Variants in POLD1 observed in about 807,000 individuals in gnomAD.
The protein encoded by POLD1 is DNA polymerase delta catalytic subunit.
POLD1 carries 79 observed loss-of-function variants against 129.7 expected under a neutral mutation model. The ratio of observed to expected loss-of-function variants is 0.61; its 90% confidence interval spans 0.51 to 0.73. The LOEUF (loss-of-function observed/expected upper bound fraction) is 0.73. POLD1 is among the 30% of genes least tolerant of loss of function. POLD1 has a pLI of 0.00. For synonymous variants in POLD1, 714 were observed against 683.3 expected (o/e 1.04, Z -0.70); for missense variants, 1,338 against 1,595.8 (o/e 0.84, Z 2.75).
Position 50,413,853 on chromosome 19 carries a change from T to C in POLD1, c.2362T>C (p.Ser788Pro), listed in dbSNP as rs2122450995. The change falls in exon 19 of 27, where the codon TCG becomes CCG. Residue 788 changes from serine to proline, a missense_variant. Ser to Pro is a moderately conservative substitution (Grantham distance 74). Transcript: ENST00000440232. ...GGACTGGGTGTCAGGTCACTTCCCG[T>C]CGCCCATCCGGCTGGAGTTTGAGAA... ...AADWVSGHFP[S>P]PIRLEFEKVY... The C allele has an allele frequency of 6.2e-7, 1 of 1,608,020 alleles. No homozygotes were observed. The highest frequency in any genetic ancestry group is 8.5e-7 in the Non-Finnish European group (1 of 1,176,996).
intron 1 of POLD1, chr19:50,395,144 G>A (rs1410638965): frequency 3.3e-5 from 5 of 150,476 alleles, no homozygotes; most frequent in African/African-American, 1.2e-4. Context: ...TGCCCAGCTG[G>A]GTACAGGTAC....
chr19:50,417,520 C>T (rs2039355158), intron 26 of POLD1, among the ~76,000 whole-genome samples: 1 of 152,184 alleles, frequency 6.6e-6, no homozygotes, highest in African/African-American at 2.4e-5. Flanking sequence ...GGCTGTCCTC[C>T]CGACACACCC....
chr19:50,396,052 G>A (rs972170978), intron 1 of POLD1, among the ~76,000 whole-genome samples: 17 of 142,836 alleles, frequency 1.2e-4, no homozygotes, highest in Admixed American at 9.7e-4. Flanking sequence ...TTGTTTGTTT[G>A]TTTGGGTTTT....
intron 1 of POLD1, among the ~76,000 whole-genome samples, chr19:50,398,629 G>C (rs538056218): frequency 6.7e-6 from 1 of 150,246 alleles, no homozygotes; most frequent in African/African-American, 2.4e-5. Context: ...TGATGGGAGA[G>C]AGGGTCGGGG....
chr19:50,400,149 T>C (rs2038532204), intron 3 of POLD1, among the ~76,000 whole-genome samples: 1 of 130,842 alleles, frequency 7.6e-6, no homozygotes, highest in African/African-American at 3.5e-5. Flanking sequence ...TTTTTTTTTT[T>C]TTTTTTTTTT....
rs759113421 is a variant in POLD1, at chr19:50,413,852, G to A, written c.2361G>A (p.Pro787=). The A allele has an allele frequency of 9.9e-6, 16 of 1,608,364 alleles. No individual in the cohort carries two copies. Among genetic ancestry groups the A allele is most frequent in the South Asian group, 4.4e-5 (4 of 90,454 alleles). The change falls in exon 19 of 27, where the codon CCG becomes CCA. Residue 787 remains proline (P), a synonymous_variant. Transcript: ENST00000440232. ...EAADWVSGHF[P]SPIRLEFEKV... ...CGGACTGGGTGTCAGGTCACTTCCC[G>A]TCGCCCATCCGGCTGGAGTTTGAGA...
At position 50,406,940 on chromosome 19, in the gene POLD1, CCCCCAA is replaced by C; in HGVS notation, c.1495-38_1495-33del. On this transcript the variant is annotated intron_variant, in intron 12 of 26. Coordinates refer to ENST00000440232, the MANE Select transcript of POLD1 (RefSeq NM_002691.4). This position sits in a 1 kb window ranked among gnomAD's most constrained non-coding sequence, Gnocchi z 5.5. The stretch of plus-strand genomic sequence containing the variant: ...CTTCCTTCTCCTGCTCCACCTCCCA[CCCCCAA>C]CCCCTGGTCCCTGACCCCATCCGTG... 1 of 1,431,818 alleles carries C rather than the reference CCCCCAA, an allele frequency of 7.0e-7. No individual in the cohort carries two copies. Among genetic ancestry groups the C allele is most frequent in the Non-Finnish European group, 9.5e-7 (1 of 1,049,726 alleles). The allele number at this position is 1,431,818 out of a possible 1,614,324, so 88.7% of individuals were successfully genotyped here. A position where few individuals can be genotyped will look rare whatever the true frequency, so the allele number is the denominator to read the frequency against.
intron 10 of POLD1, among the ~76,000 whole-genome samples, chr19:50,405,920 T>C (rs890181024): frequency 6.6e-6 from 1 of 152,090 alleles, no homozygotes; most frequent in African/African-American, 2.4e-5. Context: ...CCGCAGACAC[T>C]GGGCTCCATC....
chr19:50,403,350 G>A, intron 9 of POLD1, 131 bp downstream of exon 9: 1 of 1,136,658 alleles, frequency 8.8e-7, no homozygotes, highest in Non-Finnish European at 1.3e-6. Context: ...GTCTGGGTGG[G>A]CCCCTGTGCA....
rs2122438535 is a variant in POLD1, at chr19:50,413,473, G to A, written c.2202G>A (p.Leu734=). Residue 734 remains leucine, a synonymous_variant, in exon 18 of 27, where the codon CTG becomes CTA. Coordinates refer to ENST00000440232, the MANE Select transcript of POLD1 (RefSeq NM_002691.4). ...GRQMIEKTKQ[L]VESKYTVENG... ...AGATGATCGAGAAAACCAAGCAGCT[G>A]GTGGAGTCTAAGTACACAGTGGAGA... The A allele has an allele frequency of 1.2e-6, 2 of 1,613,204 alleles. No individual in the cohort carries two copies. Among genetic ancestry groups the A allele is most frequent in the South Asian group, 1.1e-5 (1 of 90,982 alleles).
rs1555793883 is a variant in POLD1 at position 50,417,888 on chromosome 19, C to G, written c.3265C>G (p.Leu1089Val). The change falls in exon 27 of 27, where the codon CTG becomes GTG. Residue 1089 changes from leucine to valine, a missense_variant. Around this residue, in one of 3 missense-constraint regions of POLD1, gnomAD observed 286 missense variants for 277.5 expected, o/e 1.03. Coordinates refer to ENST00000440232, the MANE Select transcript of POLD1 (RefSeq NM_002691.4). Reference sequence around the variant, plus strand: ...CATGCGCAAGAAGGTGCGGAAGGACCTGGAAGACCAGGAGCAGCTCCTGCG... The same window carrying G: ...CATGCGCAAGAAGGTGCGGAAGGACGTGGAAGACCAGGAGCAGCTCCTGCG... ...FYMRKKVRKD[L>V]EDQEQLLRRF... is the part of the protein sequence containing the mutation. 4 of 1,611,516 alleles carry G rather than the reference C, an allele frequency of 2.5e-6. No homozygotes were observed. In the South Asian group the frequency reaches 4.4e-5, roughly 18 times the overall value.
rs760014473 is a variant in POLD1, at chr19:50,409,511, C to T, written c.2007-8C>T. 3.1e-6 allele frequency: 5 copies of T among 1,613,412 alleles called. No homozygotes were observed. In the African/African-American group the frequency reaches 4.0e-5, roughly 13 times the overall value. On this transcript the variant is annotated splice_region_variant and splice_polypyrimidine_tract_variant and intron_variant, in intron 16 of 26. Coordinates refer to ENST00000440232, the MANE Select transcript of POLD1 (RefSeq NM_002691.4). The surrounding 1 kb of genome is among the most constrained non-coding windows in gnomAD (Gnocchi z 5.8). Reference sequence around the variant, plus strand: ...GCCTGAGTGTGCTTTCCCCGTGTTCCCTCGCAGGGCCAAGGCCGAGCTGGC... The same window carrying T: ...GCCTGAGTGTGCTTTCCCCGTGTTCTCTCGCAGGGCCAAGGCCGAGCTGGC...
At chr19:50,401,551 A>G (rs1177235056) in intron 3 of POLD1, among the ~76,000 whole-genome samples, 5 of 151,352 alleles carry the variant, frequency 3.3e-5, no homozygotes, top group African/African-American at 4.9e-5. Flanking sequence ...AGTTGTTTTT[A>G]TCTTGTAATA....
In POLD1 at chr19:50,414,880, C is replaced by G. The variant is rs369444765; in HGVS notation, c.2454C>G (p.Pro818=). Residue 818 remains proline, a synonymous_variant, in exon 20 of 27, where the codon CCC becomes CCG. Transcript: ENST00000440232. ...RYAGLLFSSR[P]DAHDRMDCKG... is the part of the protein sequence containing the mutation. ...CGGGCCTGCTCTTCTCCTCCCGGCC[C>G]GACGCCCACGACCGCATGGACTGCA... 35 of 1,607,824 alleles carry G rather than the reference C, an allele frequency of 2.2e-5. No homozygotes were observed. Among genetic ancestry groups the G allele is most frequent in the African/African-American group, 2.0e-4 (15 of 74,770 alleles).
chr19:50,413,914 G>A (rs2122453157), intron 19 of POLD1, 35 bp downstream of exon 19: 1 of 1,552,640 alleles, frequency 6.4e-7, no homozygotes, highest in Non-Finnish European at 8.7e-7. Context: ...GCATTTAGGT[G>A]CCCTCATCAG....
At position 50,415,595 on chromosome 19, in the gene POLD1, T is replaced by C. The variant is rs1555793089; in HGVS notation, c.2717+5T>C. Reference sequence around the variant, plus strand: ...CCACGTGGAGCTGGCCGAGAGGTCCTGCGCGGGGCGGGTGGCCTGGCCAGA... The same window carrying C: ...CCACGTGGAGCTGGCCGAGAGGTCCCGCGCGGGGCGGGTGGCCTGGCCAGA... On this transcript the variant is annotated splice_donor_5th_base_variant and intron_variant, in intron 21 of 26. Transcript: ENST00000440232. 1.9e-6 allele frequency: 3 copies of C among 1,609,236 alleles called. No individual in the cohort carries two copies. Among genetic ancestry groups the C allele is most frequent in the Non-Finnish European group, 2.5e-6 (3 of 1,177,378 alleles).
rs2122393329 is a variant in POLD1 at position 50,409,748 on chromosome 19, G to C, written c.2154+82G>C. On this transcript the variant is annotated intron_variant, in intron 17 of 26. Transcript: ENST00000440232. This position sits in a 1 kb window ranked among gnomAD's most constrained non-coding sequence, Gnocchi z 5.8. Reference sequence around the variant, plus strand: ...GACCAGGGCTCCATGTGGGGGACCTGTATCCAGAGGACTGGGCACCCCAAC... The same window carrying C: ...GACCAGGGCTCCATGTGGGGGACCTCTATCCAGAGGACTGGGCACCCCAAC... The C allele has an allele frequency of 6.9e-7, 1 of 1,443,268 alleles. No individual in the cohort carries two copies. The highest frequency in any genetic ancestry group is 9.4e-7 in the Non-Finnish European group (1 of 1,067,264). 89.4% of individuals were successfully genotyped at this position (1,443,268 alleles called of 1,614,324 possible).
In POLD1 at chr19:50,416,485, C is replaced by T. The variant is rs757740787; in HGVS notation, c.2910C>T (p.Phe970=). The T allele has an allele frequency of 2.5e-5, 39 of 1,551,748 alleles. No homozygotes were observed. The highest frequency in any genetic ancestry group is 3.9e-5 in the Admixed American group (2 of 51,292). ...QQLAKPLLRI[F]EPILGEGRAE... is the part of the protein sequence containing the mutation. Reference sequence around the variant, plus strand: ...TGGCCAAGCCCCTCCTGCGCATCTTCGAGCCCATCCTGGGCGAGGGCCGTG... The same window carrying T: ...TGGCCAAGCCCCTCCTGCGCATCTTTGAGCCCATCCTGGGCGAGGGCCGTG... Residue 970 remains phenylalanine, a synonymous_variant, in exon 23 of 27, where the codon TTC becomes TTT. Transcript: ENST00000440232.
intron 3 of POLD1, among the ~76,000 whole-genome samples, chr19:50,401,387 ATATATTT>A (rs1166773133): frequency 1.7e-5 from 1 of 59,190 alleles, no homozygotes; most frequent in Non-Finnish European, 3.4e-5. Flanking sequence ...ATATATATAT[ATATATTT>A]TTTTTTTTTT....
Sources: gnomAD v4.1 joint callset for allele counts (sites outside exome capture counted in the v4.1 genomes callset) on GRCh38, gnomAD v4.1.1 for gene constraint, gnomAD v4.1.1 regional missense constraint, Gnocchi (gnomAD v3.1) non-coding constraint, MANE v1.5 for transcripts, NCBI Gene and HGNC (gene_info 2026-07-23, HGNC 2026-07-21) for gene names.